Variants in PAK2 observed in about 807,000 individuals in gnomAD.
PAK2 encodes serine/threonine-protein kinase PAK 2.
A neutral mutation model predicts 65.9 loss-of-function variants in PAK2; 21 were observed. The observed-to-expected ratio is 0.32, with a 90% CI of 0.23 to 0.46. The LOEUF is 0.46. Ranked by LOEUF, PAK2 falls within the 20% of genes least tolerant of loss-of-function variation. PAK2 has a pLI of 1.00. For missense variants in PAK2, 324 were observed against 642.6 expected (o/e 0.50, Z 5.36); for synonymous variants, 204 against 219.7 (o/e 0.93, Z 0.63).
rs9855428 is a variant in PAK2 at position 196,815,856 on chromosome 3, A to G, written c.1053+1288A>G. On this transcript the variant is annotated intron_variant, in intron 11 of 14. Transcript: ENST00000327134. ...AGAACTATCTCAGGTCAAGCAGGACACTTATTTGCCTTCAGTATCAATAAG... is the reference window on the plus strand; with the variant it reads ...AGAACTATCTCAGGTCAAGCAGGACGCTTATTTGCCTTCAGTATCAATAAG... Among the ~76,000 whole-genome samples, 1,196 of 152,126 alleles carry G rather than the reference A, an allele frequency of 7.9e-3. 16 individuals carry two copies. The highest frequency in any genetic ancestry group is 0.027 in the African/African-American group (1,139 of 41,504).
At position 196,812,844 on chromosome 3, in the gene PAK2, T is replaced by C; in HGVS notation, c.928T>C (p.Leu310=). Residue 310 remains leucine, a synonymous_variant, in exon 10 of 15, where the codon TTG becomes CTG. Coordinates refer to ENST00000327134, the MANE Select transcript of PAK2 (RefSeq NM_002577.4). ...ELKNPNIVNF[L]DSYLVGDELF... Reference sequence around the variant, plus strand: ...GAAAAATCCCAACATCGTTAACTTTTTGGACAGGTAAGTATGACTATTCCT... The same window carrying C: ...GAAAAATCCCAACATCGTTAACTTTCTGGACAGGTAAGTATGACTATTCCT... 2 of 1,396,956 alleles carry C rather than the reference T, an allele frequency of 1.4e-6. No individual in the cohort carries two copies. Among genetic ancestry groups the C allele is most frequent in the Admixed American group, 3.4e-5 (2 of 59,210 alleles). 86.5% of individuals were successfully genotyped at this position (1,396,956 alleles called of 1,614,324 possible).
intron 2 of PAK2, 75 bp downstream of exon 2, chr3:196,782,908 T>C: frequency 1.1e-6 from 1 of 933,830 alleles, no homozygotes; most frequent in South Asian, 1.7e-5. Context: ...ATAACTTTTA[T>C]GGTGAGAACA....
At chr3:196,826,211 G>T (rs781137619) in intron 13 of PAK2, among the ~76,000 whole-genome samples, 2 of 150,708 alleles carry the variant, frequency 1.3e-5, no homozygotes, top group Admixed American at 6.6e-5. Context: ...TCGCTCTGTC[G>T]CCCAGGCTGG....
intron 2 of PAK2, among the ~76,000 whole-genome samples, chr3:196,789,685 G>C (rs1336133556): frequency 6.6e-6 from 1 of 152,006 alleles, no homozygotes; most frequent in African/African-American, 2.4e-5. Context: ...GGCTGGTCTC[G>C]AACTCCTGAC....
intron 10 of PAK2, 46 bp downstream of exon 10, chr3:196,812,897 T>C: frequency 1.2e-6 from 1 of 861,858 alleles, no homozygotes. Context: ...TGTAGAAATT[T>C]TAAGTCTCAT....
At chr3:196,793,007 T>C (rs7649045) in intron 2 of PAK2, among the ~76,000 whole-genome samples, 88,105 of 151,768 alleles carry the variant, frequency 0.58, 26,105 homozygotes, top group Admixed American at 0.67. Flanking sequence ...GTAGAAATTC[T>C]GGAAGCTCAA....
chr3:196,802,164 C>CG, intron 3 of PAK2, 137 bp downstream of exon 3: 2 of 628,518 alleles, frequency 3.2e-6, no homozygotes, highest in Non-Finnish European at 5.8e-6. Context: ...TTTGGGAGGC[C>CG]AAGGCTGGCA....
At chr3:196,822,346 C>T (rs1711681940) in intron 13 of PAK2, among the ~76,000 whole-genome samples, 1 of 152,160 alleles carries the variant, frequency 6.6e-6, no homozygotes, top group Non-Finnish European at 1.5e-5. Context: ...ATAATGGACT[C>T]TTGAGTACTG....
intron 7 of PAK2, 31 bp from the exon 8 acceptor site, chr3:196,810,559 G>C (rs1715741871): frequency 8.0e-7 from 1 of 1,249,946 alleles, no homozygotes; most frequent in East Asian, 2.3e-5. Context: ...TAAAATGCTT[G>C]ACTGAGCTTC....
In PAK2 at chr3:196,812,240, T is replaced by C; in HGVS notation, c.795T>C (p.Thr265=). ...IGQGASGTVF[T]ATDVALGQEV... is the part of the protein sequence containing the mutation. Reference sequence around the variant, plus strand: ...CTAGGGCTTCTGGTACAGTTTTCACTGCTACTGACGTTGCACTGGGACAGG... The same window carrying C: ...CTAGGGCTTCTGGTACAGTTTTCACCGCTACTGACGTTGCACTGGGACAGG... Residue 265 remains threonine, a synonymous_variant, in exon 9 of 15, where the codon ACT becomes ACC. Coordinates refer to ENST00000327134, the MANE Select transcript of PAK2 (RefSeq NM_002577.4). 1 of 1,594,440 alleles carries C rather than the reference T, an allele frequency of 6.3e-7. No homozygotes were observed. Among genetic ancestry groups the C allele is most frequent in the Non-Finnish European group, 8.6e-7 (1 of 1,162,322 alleles).
In PAK2 at chr3:196,783,579, CA is replaced by C. The variant is rs11417269; in HGVS notation, c.187+763del. The stretch of plus-strand genomic sequence containing the variant: ...CCTGGGGAACAGGGTGAGACTCTCT[CA>C]AAAAAAAAAAAAAAAAGTGTACGTA... On this transcript the variant is annotated intron_variant, in intron 2 of 14. Coordinates refer to ENST00000327134, the MANE Select transcript of PAK2 (RefSeq NM_002577.4). Among the ~76,000 whole-genome samples, 484 of 114,840 alleles carry C rather than the reference CA, an allele frequency of 4.2e-3. 2 individuals are homozygous for C. The highest frequency in any genetic ancestry group is 0.014 in the Middle Eastern group (3 of 220). The allele number at this position is 114,840 out of a possible 152,430, so 75.3% of individuals were successfully genotyped here.
chr3:196,824,891 T>G (rs1467762953), intron 13 of PAK2, among the ~76,000 whole-genome samples: 1 of 152,006 alleles, frequency 6.6e-6, no homozygotes, highest in East Asian at 1.9e-4. Flanking sequence ...TTTAATTTAA[T>G]AGAAGTGTAT....
intron 7 of PAK2, among the ~76,000 whole-genome samples, chr3:196,809,638 A>T: frequency 6.6e-6 from 1 of 150,382 alleles, no homozygotes. Flanking sequence ...GAATTATTTT[A>T]GGAGAGCTGC....
chr3:196,812,943 C>G, intron 10 of PAK2, 92 bp downstream of exon 10: 2 of 625,382 alleles, frequency 3.2e-6, no homozygotes, highest in Non-Finnish European at 5.8e-6. Context: ...TTGGAATAAA[C>G]TGTCAGTGCC....
chr3:196,776,355 G>A (rs943963007), intron 1 of PAK2, among the ~76,000 whole-genome samples: 6 of 152,166 alleles, frequency 3.9e-5, no homozygotes, highest in Non-Finnish European at 7.3e-5. Flanking sequence ...AGTATGAACC[G>A]TTGTCTTGGA....
At chr3:196,787,831 C>T (rs1255181589) in intron 2 of PAK2, among the ~76,000 whole-genome samples, 2 of 152,232 alleles carry the variant, frequency 1.3e-5, no homozygotes, top group Non-Finnish European at 2.9e-5. Context: ...ATTGCTCCTA[C>T]CTGGAAGCTG....
chr3:196,826,730 G>T (rs6808865), intron 13 of PAK2, among the ~76,000 whole-genome samples: 15,997 of 151,854 alleles, frequency 0.11, 1,159 homozygotes, highest in African/African-American at 0.21. Flanking sequence ...AGACCAGCCT[G>T]ACCAATATGA....
At chr3:196,794,045 C>T (rs1219085655) in intron 2 of PAK2, among the ~76,000 whole-genome samples, 5 of 152,064 alleles carry the variant, frequency 3.3e-5, no homozygotes, top group Non-Finnish European at 7.4e-5. Flanking sequence ...GCAGGAGAAT[C>T]ACTTGAACCT....
At chr3:196,750,884 G>A (rs1246622408) in intron 1 of PAK2, among the ~76,000 whole-genome samples, 1 of 151,548 alleles carries the variant, frequency 6.6e-6, no homozygotes, top group Non-Finnish European at 1.5e-5. Flanking sequence ...TAAAATACAT[G>A]TAACATAAAA....
Sources: gnomAD v4.1 joint callset for allele counts (sites outside exome capture counted in the v4.1 genomes callset) on GRCh38, gnomAD v4.1.1 for gene constraint, MANE v1.5 for transcripts, NCBI Gene and HGNC (gene_info 2026-07-23, HGNC 2026-07-21) for gene names.